Variants in WDR41 observed in about 807,000 individuals in gnomAD.
WDR41 encodes the protein WD repeat-containing protein 41.
In WDR41, 63 loss-of-function variants were observed where a neutral mutation model predicts 69.3. The ratio of observed to expected loss-of-function variants is 0.91; its 90% confidence interval spans 0.74 to 1.12. The LOEUF (loss-of-function observed/expected upper bound fraction) is 1.12. WDR41 is among the 50% of genes most tolerant of loss of function. The probability of loss-of-function intolerance (pLI) is 0.00; values close to 1 mark genes in which losing one functional copy is unlikely to be tolerated. For synonymous variants in WDR41, 185 were observed against 192.1 expected, an observed-to-expected ratio of 0.96 and a Z score of 0.31; for missense variants, 543 against 534.5, an observed-to-expected ratio of 1.02 and a Z score of -0.16.
At chr5:77,451,759 C>G (rs1799636475) in intron 6 of WDR41, 1 of 162,538 alleles carries the variant, frequency 6.2e-6, no homozygotes, top group Non-Finnish European at 1.3e-5. Flanking sequence ...TGAGCAGGCT[C>G]CCTGGCATTG....
At position 77,585,268 on chromosome 5, in the gene WDR41, A is replaced by G. The variant is rs115602134; in HGVS notation, c.42+35211T>C. On this transcript the variant is annotated intron_variant, in intron 1 of 5. Transcript: ENST00000509971. ...TAGAGAAATGCAAATCAAAACTACA[A>G]TGCGATATCACCTCACTCCTGCAAG... Among the ~76,000 whole-genome samples the G allele has an allele frequency of 4.9e-3, 753 of 152,318 alleles. 2 individuals carry two copies. Among genetic ancestry groups the G allele is most frequent in the African/African-American group, 0.017 (725 of 41,572 alleles).
At chr5:77,545,330 G>A (rs984601011) in intron 1 of WDR41, 1 of 153,364 alleles carries the variant, frequency 6.5e-6, no homozygotes, top group African/African-American at 2.4e-5. Context: ...AGAACTAAAT[G>A]AAATCGAAAA....
chr5:77,495,457 T>C (rs1203667824), upstream of WDR41, among the ~76,000 whole-genome samples: 2 of 151,972 alleles, frequency 1.3e-5, no homozygotes, highest in Non-Finnish European at 2.9e-5. Flanking sequence ...CTACTGACTT[T>C]GCAGAGAGAA....
At chr5:77,543,374 A>G (rs896075721) in intron 1 of WDR41, among the ~76,000 whole-genome samples, 2 of 152,216 alleles carry the variant, frequency 1.3e-5, no homozygotes. Flanking sequence ...CACCAGAGAA[A>G]GGCAAAGCCC....
At chr5:77,466,359 A>G (rs1800303424) in intron 2 of WDR41, among the ~76,000 whole-genome samples, 1 of 151,920 alleles carries the variant, frequency 6.6e-6, no homozygotes. Flanking sequence ...ATAAATCTTT[A>G]GCAGCTTATG....
intron 1 of WDR41, among the ~76,000 whole-genome samples, chr5:77,512,353 T>A (rs13189415): frequency 0.62 from 73,036 of 118,672 alleles, 21,507 homozygotes; most frequent in African/African-American, 0.76. Context: ...AGAGAGAGAG[T>A]GAGTGTGTGT....
At chr5:77,583,189 TAA>T (rs58456813) in intron 1 of WDR41, 65 of 645,536 alleles carry the variant, frequency 1.0e-4, no homozygotes, top group Middle Eastern at 4.9e-4. Flanking sequence ...CAAATTGAAA[TAA>T]AAAAAAAAAG....
intron 9 of WDR41, among the ~76,000 whole-genome samples, chr5:77,439,819 G>T (rs1413616625): frequency 6.6e-6 from 1 of 152,110 alleles, no homozygotes; most frequent in Non-Finnish European, 1.5e-5. Flanking sequence ...TTTCACAAAA[G>T]TGAGAAAAAA....
intron 1 of WDR41, among the ~76,000 whole-genome samples, chr5:77,520,440 C>CTTCT (rs1426231665): frequency 2.0e-5 from 3 of 152,248 alleles, no homozygotes; most frequent in Non-Finnish European, 1.5e-5. Context: ...GAAACCAAAT[C>CTTCT]ATCAAGAAAT....
At chr5:77,586,317 T>C (rs1164248105) in intron 1 of WDR41, among the ~76,000 whole-genome samples, 1 of 151,948 alleles carries the variant, frequency 6.6e-6, no homozygotes, top group African/African-American at 2.4e-5. Flanking sequence ...TATTTATTTA[T>C]TTATTTTGAA....
chr5:77,472,130 A>C (rs563208653), intron 2 of WDR41, among the ~76,000 whole-genome samples: 1 of 152,352 alleles, frequency 6.6e-6, no homozygotes, highest in East Asian at 1.9e-4. Flanking sequence ...TACGCAAATC[A>C]ATAAACATAA....
chr5:77,433,211 T>G lies in WDR41; in HGVS notation c.1304A>C (p.Glu435Ala), dbSNP rs1798795582. 6.2e-7 allele frequency: 1 copy of G among 1,613,960 alleles called. No individual in the cohort carries two copies. The highest frequency in any genetic ancestry group is 8.5e-7 in the Non-Finnish European group (1 of 1,179,972). Reference protein sequence around the residue: ...DHLIILWKNGERESGLRSLRL... With the variant: ...DHLIILWKNGARESGLRSLRL... ...TAAACTGCGCAATCCAGATTCTCGC[T>G]CTCCATTTTTCCACAAAATAATGAG... is the stretch of plus-strand genomic sequence containing the variant. The change falls in exon 13 of 13, where the codon GAG becomes GCG. Residue 435 changes from glutamate (E) to alanine (A), a missense_variant. By Grantham distance (107) the Glu-to-Ala change is moderately radical. Coordinates refer to ENST00000296679, the MANE Select transcript of WDR41 (RefSeq NM_018268.4).
chr5:77,558,067 C>A (rs1438489963), intron 1 of WDR41, among the ~76,000 whole-genome samples: 3 of 80,372 alleles, frequency 3.7e-5, no homozygotes, highest in Admixed American at 1.4e-4. Context: ...AAGAAATGAA[C>A]ACATAGGGAA....
Position 77,610,027 on chromosome 5 carries a change from C to T in WDR41, c.42+10452G>A, listed in dbSNP as rs1170960269. Among the ~76,000 whole-genome samples, 412 of 151,290 alleles carry T rather than the reference C, an allele frequency of 2.7e-3. 6 individuals are homozygous for T. Among genetic ancestry groups the T allele is most frequent in the Non-Finnish European group, 1.6e-3 (110 of 67,636 alleles). On this transcript the variant is annotated intron_variant, in intron 1 of 5. Coordinates refer to the WDR41 transcript ENST00000509971. ...TGAAGAATGCAGAAGCCTCAGGAGCCGATGCGATCAACTGGAAGAAAGGGT... is the reference window on the plus strand; with the variant it reads ...TGAAGAATGCAGAAGCCTCAGGAGCTGATGCGATCAACTGGAAGAAAGGGT...
rs1333539230 is a variant in WDR41, at chr5:77,584,692, CA to C, written c.42+35786del. ...CAAATACTTACAGACAACTGATCTT[CA>C]AAAAAGCAAACAAAACCATAAAATG... On this transcript the variant is annotated intron_variant, in intron 1 of 5. Coordinates refer to the WDR41 transcript ENST00000509971. Among the ~76,000 whole-genome samples, 5 of 152,144 alleles carry C rather than the reference CA, an allele frequency of 3.3e-5. 1 individual carries two copies. Among genetic ancestry groups the C allele is most frequent in the African/African-American group, 1.2e-4 (5 of 41,522 alleles).
At chr5:77,491,016 G>C (rs1271824291) in intron 1 of WDR41, among the ~76,000 whole-genome samples, 1 of 152,178 alleles carries the variant, frequency 6.6e-6, no homozygotes. Flanking sequence ...GTTCTTGTCA[G>C]GCCTCTGAGC....
At chr5:77,434,305 C>G (rs75360112) in intron 12 of WDR41, among the ~76,000 whole-genome samples, 1 of 151,248 alleles carries the variant, frequency 6.6e-6, no homozygotes, top group Non-Finnish European at 1.5e-5. Context: ...GAGCAAAACT[C>G]CCTCTCGGGA....
At chr5:77,449,441 A>C (rs1263353302) in intron 8 of WDR41, among the ~76,000 whole-genome samples, 1 of 152,208 alleles carries the variant, frequency 6.6e-6, no homozygotes, top group Non-Finnish European at 1.5e-5. Flanking sequence ...CAAAAGAGGA[A>C]CTAGCCAGAA....
intron 1 of WDR41, among the ~76,000 whole-genome samples, chr5:77,574,662 G>A (rs369994327): frequency 6.6e-6 from 1 of 152,174 alleles, no homozygotes; most frequent in Non-Finnish European, 1.5e-5. Context: ...GTACTTGAGA[G>A]AGCCTAATGA....
Sources: gnomAD v4.1 joint callset for allele counts (sites outside exome capture counted in the v4.1 genomes callset) on GRCh38, gnomAD v4.1.1 for gene constraint, MANE v1.5 for transcripts, NCBI Gene and HGNC (gene_info 2026-07-23, HGNC 2026-07-21) for gene names.